The following SEPTIN2 variants were observed in gnomAD, a reference collection of about 807,000 sequenced individuals.
The protein encoded by SEPTIN2 is septin 2.
SEPTIN2 carries 34 observed loss-of-function variants against 46.5 expected under a neutral mutation model. The observed-to-expected ratio is 0.73, with a 90% confidence interval of 0.56 to 0.97. SEPTIN2 has a LOEUF of 0.97. Among genes scored for constraint, SEPTIN2 ranks in the 50% least tolerant of loss-of-function variants. The pLI is 0.00. For synonymous variants in SEPTIN2, 175 were observed against 153.4 expected (o/e 1.14, Z -1.04); for missense variants, 347 against 448.4 (o/e 0.77, Z 2.04).
chr2:241,348,233 T>G (rs775014625), intron 11 of SEPTIN2, 42 bp downstream of exon 11: 172 of 1,559,528 alleles, frequency 1.1e-4, no homozygotes, highest in Middle Eastern at 1.7e-4. Context: ...TGGTTGGTTG[T>G]TTTGTTTGTT....
chr2:241,335,455 T>A, intron 4 of SEPTIN2: 1 of 1,021,362 alleles, frequency 9.8e-7, no homozygotes, highest in Non-Finnish European at 1.5e-6. Context: ...ATGTAATAAG[T>A]AGTTTCTGCC....
At chr2:241,335,666 T>C (rs2079836557) in intron 4 of SEPTIN2, 2 of 568,994 alleles carry the variant, frequency 3.5e-6, no homozygotes. Flanking sequence ...TGCAAGAATA[T>C]GTAGCCCTTT....
At chr2:241,336,177 A>T in intron 5 of SEPTIN2, 79 bp downstream of exon 5, 2 of 1,402,344 alleles carry the variant, frequency 1.4e-6, no homozygotes, top group South Asian at 1.3e-5. Flanking sequence ...TTAATGAGTG[A>T]TTATTAAGTT....
At chr2:241,327,787 A>T (rs1273661346) in intron 3 of SEPTIN2, among the ~76,000 whole-genome samples, 2 of 152,214 alleles carry the variant, frequency 1.3e-5, no homozygotes, top group African/African-American at 4.8e-5. Flanking sequence ...GTGGTGGCTC[A>T]TGCCTGTAAT....
intron 3 of SEPTIN2, among the ~76,000 whole-genome samples, chr2:241,334,284 C>G (rs1291524676): frequency 1.3e-5 from 2 of 152,182 alleles, no homozygotes; most frequent in African/African-American, 4.8e-5. Flanking sequence ...GTACCAAGAT[C>G]AGAAGCAGTT....
intron 5 of SEPTIN2, 93 bp downstream of exon 5, chr2:241,336,191 G>T (rs1201713418): frequency 1.0e-5 from 13 of 1,298,720 alleles, no homozygotes; most frequent in Non-Finnish European, 1.3e-5. Context: ...TTAAGTTTGG[G>T]ATTGCTGTAT....
At chr2:241,344,019 TTC>T in intron 9 of SEPTIN2, 122 bp downstream of exon 9, 1 of 1,208,772 alleles carries the variant, frequency 8.3e-7, no homozygotes, top group Non-Finnish European at 1.2e-6. Context: ...CCCTCAGTGT[TTC>T]TCACATCGCA....
intron 11 of SEPTIN2, among the ~76,000 whole-genome samples, chr2:241,348,706 A>T (rs1351134056): frequency 6.6e-6 from 1 of 152,196 alleles, no homozygotes; most frequent in African/African-American, 2.4e-5. Flanking sequence ...TACATAGCAT[A>T]CATGATGCTT....
chr2:241,336,319 C>T, intron 5 of SEPTIN2: 3 of 530,586 alleles, frequency 5.7e-6, no homozygotes, highest in Non-Finnish European at 1.0e-5. Flanking sequence ...CAAAGCCAGT[C>T]ATCCATAGAC....
At chr2:241,343,237 G>A (rs749785784) in intron 8 of SEPTIN2, 144 bp downstream of exon 8, 8 of 602,258 alleles carry the variant, frequency 1.3e-5, no homozygotes, top group Admixed American at 6.1e-5. Flanking sequence ...AGTGGCTCAT[G>A]CCTATAATCC....
At chr2:241,335,519 C>T in intron 4 of SEPTIN2, 1 of 688,020 alleles carries the variant, frequency 1.5e-6, no homozygotes, top group Non-Finnish European at 2.5e-6. Context: ...ATCAAAAATG[C>T]TGTGTAACTA....
At chr2:241,339,064 A>G (rs2080882252) in intron 7 of SEPTIN2, among the ~76,000 whole-genome samples, 1 of 132,966 alleles carries the variant, frequency 7.5e-6, no homozygotes, top group Admixed American at 9.1e-5. Context: ...TATATTATAT[A>G]TATATAAATA....
At position 241,353,126 on chromosome 2, in the gene SEPTIN2, TG is replaced by T. The variant is rs1236786296; in HGVS notation, c.*1190del. 2 of 152,276 alleles carry T rather than the reference TG, an allele frequency of 1.3e-5. No homozygotes were observed. The highest frequency in any genetic ancestry group is 2.9e-5 in the Non-Finnish European group (2 of 68,046). The allele number at this position is 152,276 out of a possible 1,614,324, so 9.4% of individuals were successfully genotyped here. The stretch of plus-strand genomic sequence containing the variant: ...GAAAGTAGCAGTCATCATCTTTTTG[TG>T]TGCAGGCTGTCTCATTTATTTTTAG... On this transcript the variant is annotated 3_prime_UTR_variant, in exon 13 of 13. Transcript: ENST00000391971.
In SEPTIN2 at chr2:241,342,983, T is replaced by C; in HGVS notation, c.595-9T>C. 6.6e-7 allele frequency: 1 copy of C among 1,523,302 alleles called. No homozygotes were observed. The highest frequency in any genetic ancestry group is 2.3e-5 in the East Asian group (1 of 44,196). 94.4% of individuals were successfully genotyped at this position (1,523,302 alleles called of 1,614,324 possible). On this transcript the variant is annotated splice_polypyrimidine_tract_variant and intron_variant, in intron 7 of 12. Coordinates refer to ENST00000391971, the MANE Select transcript of SEPTIN2 (RefSeq NM_004404.5). ...GCTAAAATTGATCCTGGTTTTGTCATTCTCTCAGATTCTGGATGAAATTGA... is the reference window on the plus strand; with the variant it reads ...GCTAAAATTGATCCTGGTTTTGTCACTCTCTCAGATTCTGGATGAAATTGA...
At chr2:241,340,732 C>T (rs1270233718) in intron 7 of SEPTIN2, among the ~76,000 whole-genome samples, 2 of 152,164 alleles carry the variant, frequency 1.3e-5, no homozygotes, top group Non-Finnish European at 2.9e-5. Flanking sequence ...AATCGAAATA[C>T]TTCGAGCTTT....
intron 1 of SEPTIN2, among the ~76,000 whole-genome samples, chr2:241,323,198 TCTCA>T (rs913065182): frequency 2.7e-5 from 4 of 150,424 alleles, no homozygotes; most frequent in African/African-American, 9.8e-5. Flanking sequence ...TTTAATGGAG[TCTCA>T]CTCTGTTGCC....
chr2:241,338,734 T>C (rs2080566909), intron 7 of SEPTIN2, among the ~76,000 whole-genome samples: 1 of 118,948 alleles, frequency 8.4e-6, no homozygotes, highest in African/African-American at 3.4e-5. Context: ...TTATATATAT[T>C]ATATTATTTA....
At chr2:241,335,541 G>T (rs1218850804) in intron 4 of SEPTIN2, 1 of 638,028 alleles carries the variant, frequency 1.6e-6, no homozygotes, top group East Asian at 2.8e-5. Context: ...AAGATTACTA[G>T]GATAGATGTT....
chr2:241,331,292 C>T (rs1480718639), intron 3 of SEPTIN2, among the ~76,000 whole-genome samples: 2 of 152,180 alleles, frequency 1.3e-5, no homozygotes, highest in Admixed American at 6.6e-5. Flanking sequence ...ACGTGCAAGA[C>T]CTATACACTG....
Sources: allele counts gnomAD v4.1 joint callset (sites outside exome capture counted in the v4.1 genomes callset), GRCh38; gene constraint gnomAD v4.1.1; transcripts MANE v1.5; gene names NCBI Gene and HGNC (gene_info 2026-07-23, HGNC 2026-07-21).